The following SGCZ variants were observed in gnomAD, a reference collection of about 807,000 sequenced individuals.
SGCZ encodes the protein sarcoglycan zeta, also known as zeta-sarcoglycan.
In SGCZ, 40 loss-of-function variants were observed where a neutral mutation model predicts 41.3. The observed-to-expected ratio is 0.97, with a 90% CI of 0.75 to 1.26. The LOEUF (loss-of-function observed/expected upper bound fraction) is 1.26. SGCZ is among the 50% of genes most tolerant of loss of function. The probability of loss-of-function intolerance (pLI) is 0.00; values close to 1 mark genes in which losing one functional copy is unlikely to be tolerated. For missense variants in SGCZ, 552 were observed against 369.8 expected (o/e 1.49, Z -4.04); for synonymous variants, 206 against 137.5 (o/e 1.50, Z -3.49).
At chr8:14,256,541 G>C (rs149230405) in intron 3 of SGCZ, among the ~76,000 whole-genome samples, 4 of 145,462 alleles carry the variant, frequency 2.7e-5, no homozygotes, top group Non-Finnish European at 6.1e-5. Flanking sequence ...ATGAGTTTTT[G>C]ATGTTCAGTT....
chr8:15,194,178 C>T (rs1323157132), intron 1 of SGCZ, among the ~76,000 whole-genome samples: 1 of 139,430 alleles, frequency 7.2e-6, no homozygotes, highest in South Asian at 2.4e-4. Flanking sequence ...TCGTGTCCCA[C>T]CTCTAATCAC....
At chr8:14,646,104 G>C (rs926099157) in intron 1 of SGCZ, among the ~76,000 whole-genome samples, 1 of 151,756 alleles carries the variant, frequency 6.6e-6, no homozygotes, top group Non-Finnish European at 1.5e-5. Flanking sequence ...ATACAGGTCA[G>C]TCACATGGTT....
At chr8:14,971,900 G>C (rs1314517031) in intron 1 of SGCZ, among the ~76,000 whole-genome samples, 1 of 151,676 alleles carries the variant, frequency 6.6e-6, no homozygotes, top group Admixed American at 6.6e-5. Context: ...ACCCTGCCTC[G>C]GCCTCCCATG....
intron 1 of SGCZ, among the ~76,000 whole-genome samples, chr8:14,631,473 ACTT>A (rs1367638937): frequency 6.6e-6 from 1 of 151,986 alleles, no homozygotes; most frequent in African/African-American, 2.4e-5. Context: ...ATTAGCAACT[ACTT>A]CAAGTCATGG....
chr8:14,703,807 T>C (rs969424082), intron 1 of SGCZ, among the ~76,000 whole-genome samples: 14 of 151,966 alleles, frequency 9.2e-5, no homozygotes, highest in Admixed American at 7.2e-4. Context: ...TAGTTATTAA[T>C]CTGAAAACTG....
intron 1 of SGCZ, among the ~76,000 whole-genome samples, chr8:15,155,214 G>C (rs1257913992): frequency 6.6e-6 from 1 of 152,148 alleles, no homozygotes; most frequent in Non-Finnish European, 1.5e-5. Context: ...ACAATGGCTT[G>C]AGCCCGGGAG....
intron 7 of SGCZ, among the ~76,000 whole-genome samples, chr8:14,094,337 G>A (rs1054933194): frequency 1.3e-5 from 2 of 151,832 alleles, no homozygotes; most frequent in Admixed American, 6.6e-5. Context: ...TCCCCTCCCT[G>A]TGTCCATGTA....
chr8:15,201,626 T>C (rs921409544), intron 1 of SGCZ, among the ~76,000 whole-genome samples: 6 of 152,162 alleles, frequency 3.9e-5, no homozygotes, highest in African/African-American at 7.2e-5. Context: ...ACAGGTACCA[T>C]TCAATGGCTT....
At chr8:14,100,161 G>A (rs1693694135) in intron 7 of SGCZ, among the ~76,000 whole-genome samples, 1 of 151,350 alleles carries the variant, frequency 6.6e-6, no homozygotes. Flanking sequence ...GTGCCTTTCT[G>A]TACTTTTATT....
At chr8:14,135,832 A>C (rs1309286003) in intron 5 of SGCZ, among the ~76,000 whole-genome samples, 1 of 152,184 alleles carries the variant, frequency 6.6e-6, no homozygotes, top group Non-Finnish European at 1.5e-5. Flanking sequence ...GTACCCTGAT[A>C]CCAAAATCAG....
chr8:14,650,408 T>C (rs2117453664), intron 1 of SGCZ, among the ~76,000 whole-genome samples: 1 of 152,126 alleles, frequency 6.6e-6, no homozygotes, highest in South Asian at 2.1e-4. Context: ...TATAGGTCAA[T>C]TCATGTCATG....
At chr8:14,530,710 C>T (rs1256032063) in intron 2 of SGCZ, among the ~76,000 whole-genome samples, 1 of 152,036 alleles carries the variant, frequency 6.6e-6, no homozygotes, top group Admixed American at 6.6e-5. Context: ...ATGCCTGGCA[C>T]AGTAGTGCTT....
intron 1 of SGCZ, among the ~76,000 whole-genome samples, chr8:14,635,006 C>A (rs1806781723): frequency 6.6e-6 from 1 of 151,536 alleles, no homozygotes; most frequent in Non-Finnish European, 1.5e-5. Flanking sequence ...AACTTTTATA[C>A]ATAGGCTTTT....
At chr8:14,584,694 A>C (rs1205379876) in intron 1 of SGCZ, among the ~76,000 whole-genome samples, 1 of 152,130 alleles carries the variant, frequency 6.6e-6, no homozygotes, top group Non-Finnish European at 1.5e-5. Context: ...TAGTATCTAG[A>C]GTAGTACCTA....
At chr8:14,950,866 G>C (rs1800611989) in intron 1 of SGCZ, among the ~76,000 whole-genome samples, 1 of 151,986 alleles carries the variant, frequency 6.6e-6, no homozygotes, top group African/African-American at 2.4e-5. Flanking sequence ...AGGTTAAATA[G>C]TTCATAACAG....
At chr8:14,734,987 T>G (rs754331661) in intron 1 of SGCZ, among the ~76,000 whole-genome samples, 2 of 152,164 alleles carry the variant, frequency 1.3e-5, no homozygotes, top group Non-Finnish European at 2.9e-5. Context: ...TAGTGGAGTC[T>G]CAACTTCAAA....
intron 1 of SGCZ, among the ~76,000 whole-genome samples, chr8:14,989,718 A>G (rs1037693927): frequency 6.6e-6 from 1 of 152,204 alleles, no homozygotes; most frequent in Non-Finnish European, 1.5e-5. Context: ...TTCTGTCACG[A>G]GCAGAAATGA....
intron 1 of SGCZ, among the ~76,000 whole-genome samples, chr8:15,175,904 G>A (rs1159934277): frequency 6.6e-6 from 1 of 152,120 alleles, no homozygotes; most frequent in Non-Finnish European, 1.5e-5. Flanking sequence ...ACAGAAAGCA[G>A]TCAAGATTGC....
rs577187055 is a variant in SGCZ, at chr8:14,764,093, A to T, written c.40-209167T>A. Among the ~76,000 whole-genome samples the T allele has an allele frequency of 3.8e-4, 58 of 152,312 alleles. 1 individual carries two copies. The South Asian group carries it at 0.011, about 29-fold the overall frequency. On this transcript the variant is annotated intron_variant, in intron 1 of 7. Transcript: ENST00000382080. ...ATTTTATTTTGTCAGGAAAAAAGGA[A>T]ATGCTTCAAGACTAATGGGAACATA... is the stretch of plus-strand genomic sequence containing the variant.
Sources: gnomAD v4.1 joint callset for allele counts (sites outside exome capture counted in the v4.1 genomes callset) on GRCh38, gnomAD v4.1.1 for gene constraint, MANE v1.5 for transcripts, NCBI Gene and HGNC (gene_info 2026-07-23, HGNC 2026-07-21) for gene names.